UBR4: variants seen among roughly 807,000 people sequenced by gnomAD.
UBR4 encodes ubiquitin protein ligase E3 component n-recognin 4, also known as E3 ubiquitin-protein ligase UBR4.
In UBR4, 124 loss-of-function variants were observed where a neutral mutation model predicts 575.6. The observed-to-expected ratio is 0.22, with a 90% CI of 0.19 to 0.25. The LOEUF (loss-of-function observed/expected upper bound fraction) is 0.25. UBR4 is among the 10% of genes least tolerant of loss of function. The probability of loss-of-function intolerance (pLI) is 1.00; values close to 1 mark genes in which losing one functional copy is unlikely to be tolerated. For missense variants in UBR4, 4,818 were observed against 6,478.8 expected, an observed-to-expected ratio of 0.74 and a Z score of 8.80; for synonymous variants, 2,455 against 2,473.7, an observed-to-expected ratio of 0.99 and a Z score of 0.22.
At chr1:19,115,295 G>A (rs1231769345) in intron 74 of UBR4, 103 bp downstream of exon 74, 16 of 1,482,234 alleles carry the variant, frequency 1.1e-5, no homozygotes, top group South Asian at 5.4e-5. Flanking sequence ...TTCTCTAAAT[G>A]TTCTGAGGGA....
At chr1:19,101,115 GA>G (rs1326655348) in intron 88 of UBR4, among the ~76,000 whole-genome samples, 1 of 152,032 alleles carries the variant, frequency 6.6e-6, no homozygotes, top group Admixed American at 6.5e-5. Flanking sequence ...TCAGGCTAGG[GA>G]AAAAAACACA....
rs1373448233 is a variant in UBR4, at chr1:19,147,101, C to G, written c.7630-101G>C. The G allele has an allele frequency of 1.0e-5, 14 of 1,342,436 alleles. No homozygotes were observed. In the East Asian group the frequency reaches 3.4e-4, roughly 32 times the overall value. 83.2% of individuals were successfully genotyped at this position (1,342,436 alleles called of 1,614,324 possible). A position where few individuals can be genotyped will look rare whatever the true frequency, so the allele number is the denominator to read the frequency against. ...GGCAGATCACCAGGATTATTACCTC[C>G]TCTCAAGAGAACAGGCCAATGAACA... On this transcript the variant is annotated intron_variant, in intron 51 of 105. Transcript: ENST00000375254.
intron 32 of UBR4, 45 bp downstream of exon 32, chr1:19,164,754 T>C: frequency 6.2e-7 from 1 of 1,603,006 alleles, no homozygotes; most frequent in Non-Finnish European, 8.5e-7. Context: ...ATCAACGTGT[T>C]TCTGGGGTTG....
chr1:19,121,082 C>G, intron 68 of UBR4, 107 bp downstream of exon 68: 1 of 1,471,070 alleles, frequency 6.8e-7, no homozygotes, highest in Non-Finnish European at 9.1e-7. Flanking sequence ...GCTTTAAGTC[C>G]CCTCTAAATC....
intron 78 of UBR4, among the ~76,000 whole-genome samples, chr1:19,111,488 T>C (rs1297311138): frequency 6.6e-6 from 1 of 152,246 alleles, no homozygotes; most frequent in East Asian, 1.9e-4. Context: ...ACCCACTTGC[T>C]ACTTCCTAGG....
chr1:19,155,748 C>T (rs551747427), intron 42 of UBR4, 80 bp from the exon 43 acceptor site: 32 of 1,209,594 alleles, frequency 2.6e-5, no homozygotes, highest in Admixed American at 3.7e-5. Flanking sequence ...TCCAAATAGC[C>T]GGAACTGACC....
intron 22 of UBR4, 106 bp downstream of exon 22, chr1:19,174,213 C>T (rs2089974177): frequency 7.0e-7 from 1 of 1,423,182 alleles, no homozygotes; most frequent in Non-Finnish European, 9.3e-7. Context: ...GTCAGTTTTG[C>T]AAATCAATAT....
intron 97 of UBR4, among the ~76,000 whole-genome samples, chr1:19,091,872 T>C (rs573648548): frequency 2.0e-5 from 3 of 152,246 alleles, no homozygotes; most frequent in East Asian, 1.9e-4. Context: ...CAAGTGTTCA[T>C]GGCAGCTTTA....
chr1:19,105,921 G>T, intron 83 of UBR4, 79 bp from the exon 84 acceptor site: 2 of 1,089,514 alleles, frequency 1.8e-6, no homozygotes, highest in Non-Finnish European at 2.6e-6. Context: ...GCAGTCAACT[G>T]CCACCCATCT....
intron 60 of UBR4, among the ~76,000 whole-genome samples, chr1:19,133,538 C>T (rs1019450428): frequency 2.0e-5 from 3 of 152,108 alleles, no homozygotes; most frequent in South Asian, 2.1e-4. Flanking sequence ...TCTTAGCCAA[C>T]GCAATAAGGC....
At chr1:19,105,636 G>A (rs1338219785) in intron 84 of UBR4, 97 bp downstream of exon 84, 2 of 912,490 alleles carry the variant, frequency 2.2e-6, no homozygotes, top group South Asian at 2.0e-5. Flanking sequence ...ACCCAGAGGT[G>A]TGCCTCTCAT....
intron 97 of UBR4, 41 bp downstream of exon 97, chr1:19,092,778 T>C: frequency 1.3e-6 from 2 of 1,518,162 alleles, no homozygotes; most frequent in Non-Finnish European, 1.8e-6. Flanking sequence ...TAGTTATACT[T>C]GTACCCCTGT....
At chr1:19,196,353 C>T (rs1250086292) in intron 8 of UBR4, among the ~76,000 whole-genome samples, 2 of 152,192 alleles carry the variant, frequency 1.3e-5, no homozygotes, top group Admixed American at 6.5e-5. Context: ...GGGAGATCAA[C>T]CTCAGTAATT....
chr1:19,195,352 T>C (rs909725394), intron 8 of UBR4, among the ~76,000 whole-genome samples: 1 of 151,486 alleles, frequency 6.6e-6, no homozygotes, highest in East Asian at 1.9e-4. Flanking sequence ...AAAAAAATCC[T>C]ATACCTGGAA....
intron 97 of UBR4, among the ~76,000 whole-genome samples, chr1:19,090,832 C>T (rs911303515): frequency 1.3e-5 from 2 of 152,262 alleles, no homozygotes; most frequent in Admixed American, 6.5e-5. Context: ...CAATGGCTCA[C>T]GTCTGTAATC....
At chr1:19,115,000 G>A in intron 74 of UBR4, 51 bp from the exon 75 acceptor site, 3 of 1,611,604 alleles carry the variant, frequency 1.9e-6, no homozygotes, top group Non-Finnish European at 2.5e-6. Context: ...TGGGTGGGGT[G>A]GGGGTCACTC....
intron 39 of UBR4, among the ~76,000 whole-genome samples, chr1:19,158,374 TA>T (rs910994647): frequency 6.6e-6 from 1 of 152,188 alleles, no homozygotes; most frequent in Non-Finnish European, 1.5e-5. Flanking sequence ...CTTTAATATC[TA>T]AAAACCAATG....
chr1:19,085,057 C>A (rs796705532), intron 101 of UBR4, among the ~76,000 whole-genome samples: 1 of 152,226 alleles, frequency 6.6e-6, no homozygotes, highest in Non-Finnish European at 1.5e-5. Flanking sequence ...ACAAAGTGAC[C>A]TGTCCATAAG....
Position 19,112,797 on chromosome 1 carries a change from G to C in UBR4, c.11528C>G (p.Ser3843Cys). Residue 3843 changes from serine (S) to cysteine (C), a missense_variant, in exon 78 of 106, where the codon TCC (serine) becomes TGC (cysteine). Physicochemically the swap from Ser to Cys is moderately radical, Grantham distance 112. Transcript: ENST00000375254. ...GAATGTGGGCTGCACGGAGGTCCGG[G>C]ATGATTTAGTGGCTGCTTCCCTCTG... The part of the protein sequence containing the change: ...LQQREAATKS[S>C]RTSVQPTFTA... 6.2e-7 allele frequency: 1 copy of C among 1,614,192 alleles called. No individual in the cohort carries two copies. Among genetic ancestry groups the C allele is most frequent in the Non-Finnish European group, 8.5e-7 (1 of 1,180,006 alleles).
Sources: gnomAD v4.1 joint callset for allele counts (sites outside exome capture counted in the v4.1 genomes callset) on GRCh38, gnomAD v4.1.1 for gene constraint, MANE v1.5 for transcripts, NCBI Gene and HGNC (gene_info 2026-07-23, HGNC 2026-07-21) for gene names.